The following GALK2 variants were observed in gnomAD, a reference collection of about 807,000 sequenced individuals.
GALK2 encodes galactokinase 2, also known as N-acetylgalactosamine kinase.
GALK2 carries 36 observed loss-of-function variants against 52.4 expected under a neutral mutation model. The ratio of observed to expected loss-of-function variants is 0.69; its 90% CI spans 0.53 to 0.91. GALK2 has a LOEUF of 0.91. Ranked by LOEUF, GALK2 falls within the 40% of genes least tolerant of loss-of-function variation. The pLI is 0.00. For missense variants in GALK2, 579 were observed against 559.1 expected (o/e 1.04, Z -0.36); for synonymous variants, 176 against 199.1 (o/e 0.88, Z 0.98).
chr15:49,174,690 G>A (rs1012315050), intron 1 of GALK2, among the ~76,000 whole-genome samples: 1 of 151,804 alleles, frequency 6.6e-6, no homozygotes, highest in African/African-American at 2.4e-5. Context: ...GTGTATTTTT[G>A]TATTTGTATG....
At chr15:49,202,287 G>A (rs2087850494) in intron 2 of GALK2, among the ~76,000 whole-genome samples, 1 of 152,168 alleles carries the variant, frequency 6.6e-6, no homozygotes, top group African/African-American at 2.4e-5. Flanking sequence ...TTACAGGCGT[G>A]AGCCTCCACA....
chr15:49,325,829 A>G (rs1567066680), intron 9 of GALK2, among the ~76,000 whole-genome samples: 1 of 152,196 alleles, frequency 6.6e-6, no homozygotes, highest in Non-Finnish European at 1.5e-5. Flanking sequence ...TCAGTAGCAA[A>G]TATCTTTACC....
At chr15:49,345,386 T>G (rs2041321781) in intron 3 of GALK2, among the ~76,000 whole-genome samples, 1 of 152,244 alleles carries the variant, frequency 6.6e-6, no homozygotes, top group South Asian at 2.1e-4. Context: ...TGGTGTTGAC[T>G]GAAATCTTAG....
chr15:49,286,119 A>G (rs2033324980), intron 7 of GALK2, among the ~76,000 whole-genome samples: 1 of 152,086 alleles, frequency 6.6e-6, no homozygotes, highest in Non-Finnish European at 1.5e-5. Flanking sequence ...CCCCCTTTAT[A>G]TTTTGAAGCA....
At chr15:49,255,981 T>C (rs1034223745) in intron 5 of GALK2, among the ~76,000 whole-genome samples, 21 of 152,130 alleles carry the variant, frequency 1.4e-4, no homozygotes, top group African/African-American at 5.1e-4. Flanking sequence ...ATAAACTGTT[T>C]GAGATGTCTA....
chr15:49,311,685 T>G (rs538502433), intron 8 of GALK2, among the ~76,000 whole-genome samples: 1 of 152,346 alleles, frequency 6.6e-6, no homozygotes, highest in South Asian at 2.1e-4. Context: ...ATATCCGTAT[T>G]GTACTTTATA....
chr15:49,244,808 AG>A (rs1255196648), intron 5 of GALK2, among the ~76,000 whole-genome samples: 1 of 152,086 alleles, frequency 6.6e-6, no homozygotes, highest in African/African-American at 2.4e-5. Context: ...GATTAAAATG[AG>A]GAGAGGGAAA....
intron 3 of GALK2, chr15:49,366,637 C>A (rs2045241172): frequency 6.3e-7 from 1 of 1,580,496 alleles, no homozygotes; most frequent in Non-Finnish European, 8.7e-7. Flanking sequence ...GCAGGAAGCC[C>A]CAGAGCAGGG....
chr15:49,195,995 G>A (rs548982973), intron 1 of GALK2, among the ~76,000 whole-genome samples: 3 of 152,186 alleles, frequency 2.0e-5, no homozygotes, highest in African/African-American at 4.8e-5. Context: ...CTTCTGTTTA[G>A]TAGTATTTTC....
In GALK2 at chr15:49,220,696, C is replaced by G. The variant is rs2089733026; in HGVS notation, c.266+3383C>G. On this transcript the variant is annotated intron_variant, in intron 3 of 9. Coordinates refer to ENST00000560031, the MANE Select transcript of GALK2 (RefSeq NM_002044.4). ...ATGGCTGCACTAATTACATTCTCAC[C>G]AACAGTGTATAAGTGTTTCCTTTTT... Among the ~76,000 whole-genome samples the G allele has an allele frequency of 2.6e-5, 4 of 152,306 alleles. 1 individual carries two copies. In the South Asian group the frequency reaches 8.3e-4, roughly 32 times the overall value.
At chr15:49,217,127 T>C in intron 2 of GALK2, 63 bp from the exon 3 acceptor site, 1 of 1,470,002 alleles carries the variant, frequency 6.8e-7, no homozygotes, top group Middle Eastern at 1.8e-4. Flanking sequence ...GTATGTAAAC[T>C]TTCTTGAGGT....
chr15:49,267,241 G>T (rs1337197431), intron 5 of GALK2, among the ~76,000 whole-genome samples: 1 of 152,126 alleles, frequency 6.6e-6, no homozygotes, highest in Non-Finnish European at 1.5e-5. Flanking sequence ...TTAAACATCA[G>T]GAGTAATGAG....
intron 3 of GALK2, among the ~76,000 whole-genome samples, chr15:49,362,224 G>A (rs1392052402): frequency 6.6e-6 from 1 of 152,056 alleles, no homozygotes; most frequent in African/African-American, 2.4e-5. Context: ...TTGGATCATG[G>A]GAGTGGATTT....
In GALK2 at chr15:49,329,903, CCAATG is replaced by C. The variant is rs2038295220; in HGVS notation, c.*1745_*1749del. On this transcript the variant is annotated 3_prime_UTR_variant, in exon 10 of 10. Coordinates refer to ENST00000560031, the MANE Select transcript of GALK2 (RefSeq NM_002044.4). ...CTTCACAAAAGGTGAGTAAAAATTTCCAATGTGCACTCTTCTTTGGGGGACACACA... is the reference window on the plus strand; with the variant it reads ...CTTCACAAAAGGTGAGTAAAAATTTCTGCACTCTTCTTTGGGGGACACACA... 3.6e-6 allele frequency: 1 copy of C among 275,846 alleles called. No homozygotes were observed. Among genetic ancestry groups the C allele is most frequent in the Non-Finnish European group, 5.5e-6 (1 of 181,820 alleles). The allele number at this position is 275,846 out of a possible 1,614,324, so 17.1% of individuals were successfully genotyped here.
rs1419605071 is a variant in GALK2 at position 49,299,744 on chromosome 15, TTTCTTTCTTTC to T, written c.967+7210_967+7220del. Among the ~76,000 whole-genome samples, 7 of 91,056 alleles carry T rather than the reference TTTCTTTCTTTC, an allele frequency of 7.7e-5. No individual in the cohort carries two copies. The South Asian group carries it at 1.1e-3, about 14-fold the overall frequency. 59.7% of individuals were successfully genotyped at this position (91,056 alleles called of 152,430 possible). ...TTTCTTTCTTTCTTTCTTTTCTTTC[TTTCTTTCTTTC>T]TTTCTTTCTTTCTTTCTTTCTTTCT... is the stretch of plus-strand genomic sequence containing the variant. On this transcript the variant is annotated intron_variant, in intron 8 of 9. Coordinates refer to ENST00000560031, the MANE Select transcript of GALK2 (RefSeq NM_002044.4).
At chr15:49,233,770 T>C (rs2090636529) in intron 3 of GALK2, among the ~76,000 whole-genome samples, 1 of 152,280 alleles carries the variant, frequency 6.6e-6, no homozygotes, top group Non-Finnish European at 1.5e-5. Context: ...CTAAACCTCT[T>C]TGAGCCTCCA....
intron 3 of GALK2, among the ~76,000 whole-genome samples, chr15:49,339,773 C>T (rs1423924637): frequency 6.6e-6 from 1 of 152,196 alleles, no homozygotes; most frequent in Non-Finnish European, 1.5e-5. Flanking sequence ...GGGGTTTTAT[C>T]TATAAGTCCC....
intron 1 of GALK2, among the ~76,000 whole-genome samples, chr15:49,174,390 G>A (rs538354110): frequency 1.2e-4 from 18 of 152,234 alleles, no homozygotes; most frequent in African/African-American, 4.1e-4. Context: ...CTGTTGCCCA[G>A]GCTGGAGTGC....
Position 49,164,780 on chromosome 15 carries a change from C to CA in GALK2, c.20+8790dup, listed in dbSNP as rs36107125. Among the ~76,000 whole-genome samples, 78 of 65,180 alleles carry CA rather than the reference C, an allele frequency of 1.2e-3. 1 individual carries two copies. Among genetic ancestry groups the CA allele is most frequent in the African/African-American group, 1.6e-3 (27 of 17,414 alleles). 42.8% of individuals were successfully genotyped at this position (65,180 alleles called of 152,430 possible). A position where few individuals can be genotyped will look rare whatever the true frequency, so the allele number is the denominator to read the frequency against. On this transcript the variant is annotated intron_variant, in intron 1 of 9. Transcript: ENST00000327171. ...GGATGACAAAAGCAAAACTCCGTCT[C>CA]AAAAAAAAAAAAAAAAAAAAAAAAA...
Sources: allele counts gnomAD v4.1 joint callset (sites outside exome capture counted in the v4.1 genomes callset), GRCh38; gene constraint gnomAD v4.1.1; transcripts MANE v1.5; gene names NCBI Gene and HGNC (gene_info 2026-07-23, HGNC 2026-07-21).